Variants in GPD2 observed in about 807,000 individuals in gnomAD.
GPD2 encodes the protein glycerol-3-phosphate dehydrogenase 2, also known as glycerol-3-phosphate dehydrogenase, mitochondrial.
GPD2 carries 54 observed loss-of-function variants against 82.4 expected under a neutral mutation model. That is an observed-to-expected ratio of 0.66 (90% CI 0.53 to 0.82). The LOEUF (loss-of-function observed/expected upper bound fraction) is 0.82, where lower values mean the gene tolerates loss of function less well. GPD2 is among the 40% of genes least tolerant of loss of function. The pLI is 0.00. For missense variants in GPD2, 748 were observed against 896.2 expected, an observed-to-expected ratio of 0.83 and a Z score of 2.11; for synonymous variants, 288 against 306.1, an observed-to-expected ratio of 0.94 and a Z score of 0.62.
At chr2:156,410,257 T>C in the GPD2 span, among the ~76,000 whole-genome samples, 3 of 152,336 alleles carry the variant, frequency 2.0e-5, no homozygotes, top group East Asian at 3.9e-4. Flanking sequence ...CTGAATGAGT[T>C]TCTAGAATAA....
chr2:156,520,689 A>T (rs1382238490), intron 6 of GPD2, among the ~76,000 whole-genome samples: 1 of 151,922 alleles, frequency 6.6e-6, no homozygotes, highest in African/African-American at 2.4e-5. Flanking sequence ...GGCTCAAGCC[A>T]TTATCCCACC....
At chr2:156,475,134 T>C (rs904554858) in intron 1 of GPD2, among the ~76,000 whole-genome samples, 4 of 151,594 alleles carry the variant, frequency 2.6e-5, no homozygotes, top group African/African-American at 9.7e-5. Context: ...AAGAAAAAAA[T>C]ATAAATACAG....
chr2:156,403,416 T>A, the GPD2 span, among the ~76,000 whole-genome samples: 3 of 152,072 alleles, frequency 2.0e-5, no homozygotes. Flanking sequence ...TGTATGAGGG[T>A]GTAATGCTTG....
intron 3 of GPD2, among the ~76,000 whole-genome samples, chr2:156,496,684 T>A (rs1024982802): frequency 1.3e-5 from 2 of 151,924 alleles, no homozygotes; most frequent in African/African-American, 4.8e-5. Flanking sequence ...TTTTATGAGT[T>A]TATATTTTAT....
intron 2 of GPD2, among the ~76,000 whole-genome samples, chr2:156,483,987 CTTTTTTTTTTTTTTTTTTTTT>C (rs10610989): frequency 1.1e-5 from 1 of 92,294 alleles, no homozygotes; most frequent in African/African-American, 3.9e-5. Flanking sequence ...TGCTTGCTTG[CTTTTTTTTTTTTTTTTTTTTT>C]TTTACCAGAT....
rs536948598 is a variant in GPD2 at position 156,501,451 on chromosome 2, C to T, written c.274+5236C>T. ...CTGTGACCTTCGACAAGTGGCTTAACCTTACAGAGAGCCTTAAGTTTCTCA... is the reference window on the plus strand; with the variant it reads ...CTGTGACCTTCGACAAGTGGCTTAATCTTACAGAGAGCCTTAAGTTTCTCA... On this transcript the variant is annotated intron_variant, in intron 3 of 16. Coordinates refer to ENST00000438166, the MANE Select transcript of GPD2 (RefSeq NM_000408.5). Among the ~76,000 whole-genome samples the T allele has an allele frequency of 2.0e-5, 3 of 152,160 alleles. No individual in the cohort carries two copies. In the South Asian group the frequency reaches 6.2e-4, roughly 32 times the overall value.
rs369946106 is a variant in GPD2 at position 156,579,799 on chromosome 2, G to A, written c.2058+11G>A. On this transcript the variant is annotated intron_variant, in intron 16 of 16. Transcript: ENST00000438166. ...AATGAATTTTTGCAGGTGAGTTGTGGTGAAAGGAAACAAGGATATTTGCTT... is the reference window on the plus strand; with the variant it reads ...AATGAATTTTTGCAGGTGAGTTGTGATGAAAGGAAACAAGGATATTTGCTT... The A allele has an allele frequency of 5.9e-4, 740 of 1,260,570 alleles. 1 individual carries two copies. Among genetic ancestry groups the A allele is most frequent in the Non-Finnish European group, 8.1e-4 (695 of 857,024 alleles). 78.1% of individuals were successfully genotyped at this position (1,260,570 alleles called of 1,614,324 possible).
chr2:156,489,922 C>CCTTTCTTCCCTT (rs1324136482), intron 2 of GPD2, among the ~76,000 whole-genome samples: 11 of 149,722 alleles, frequency 7.3e-5, no homozygotes, highest in African/African-American at 2.7e-4. Context: ...TCCTTCTCTC[C>CCTTTCTTCCCTT]CCTCCCCTCC....
chr2:156,549,467 G>T, intron 6 of GPD2, 141 bp from the exon 7 acceptor site: 1 of 775,902 alleles, frequency 1.3e-6, no homozygotes, highest in Non-Finnish European at 2.3e-6. Flanking sequence ...TTTAAATTGT[G>T]CCCTGTCAAG....
intron 2 of GPD2, among the ~76,000 whole-genome samples, chr2:156,478,474 G>C (rs1683597583): frequency 6.6e-6 from 1 of 151,982 alleles, no homozygotes; most frequent in Non-Finnish European, 1.5e-5. Context: ...GGGGGTAGCA[G>C]GTGCGATGTA....
the GPD2 span, among the ~76,000 whole-genome samples, chr2:156,406,252 C>T: frequency 3.3e-5 from 5 of 152,116 alleles, no homozygotes; most frequent in African/African-American, 1.2e-4. Context: ...AAAATCAAGG[C>T]ATGGAAGTGA....
At chr2:156,554,210 A>G (rs1686875971) in intron 8 of GPD2, among the ~76,000 whole-genome samples, 1 of 152,132 alleles carries the variant, frequency 6.6e-6, no homozygotes, top group Admixed American at 6.5e-5. Context: ...GAGATCCCAA[A>G]CTGAAATGAC....
the GPD2 span, among the ~76,000 whole-genome samples, chr2:156,423,940 A>C: frequency 6.6e-6 from 1 of 152,236 alleles, no homozygotes; most frequent in African/African-American, 2.4e-5. Context: ...AGTGAAGCCC[A>C]AATAATGCTT....
intron 1 of GPD2, among the ~76,000 whole-genome samples, chr2:156,445,725 A>G (rs916235845): frequency 2.6e-5 from 4 of 152,204 alleles, no homozygotes; most frequent in African/African-American, 9.7e-5. Context: ...AGCCTTAGTC[A>G]TGAGAGAGTT....
the GPD2 span, among the ~76,000 whole-genome samples, chr2:156,427,904 GTGTCT>G: frequency 6.6e-6 from 1 of 152,124 alleles, no homozygotes; most frequent in Admixed American, 6.5e-5. Flanking sequence ...TTCTTGGCTT[GTGTCT>G]GCATTACTCC....
chr2:156,552,963 C>T (rs1284943824), intron 8 of GPD2, among the ~76,000 whole-genome samples: 2 of 147,792 alleles, frequency 1.4e-5, no homozygotes, highest in African/African-American at 2.5e-5. Flanking sequence ...GCAGTGGTGC[C>T]ATCTTGGCCC....
At chr2:156,545,133 CTCAT>C (rs1686481572) in intron 6 of GPD2, among the ~76,000 whole-genome samples, 1 of 152,240 alleles carries the variant, frequency 6.6e-6, no homozygotes, top group Admixed American at 6.5e-5. Flanking sequence ...CCTACACACA[CTCAT>C]TCACACACAC....
intron 3 of GPD2, among the ~76,000 whole-genome samples, chr2:156,507,422 A>G (rs1684827460): frequency 6.6e-6 from 1 of 151,948 alleles, no homozygotes; most frequent in Admixed American, 6.6e-5. Flanking sequence ...TTTGGGCTCA[A>G]GCCGATTCTC....
chr2:156,523,568 A>G (rs983223257), intron 6 of GPD2, among the ~76,000 whole-genome samples: 7 of 152,132 alleles, frequency 4.6e-5, no homozygotes, highest in Non-Finnish European at 1.0e-4. Context: ...ACTCCCCACT[A>G]TAACAAATGT....
Sources: allele counts gnomAD v4.1 joint callset (sites outside exome capture counted in the v4.1 genomes callset), GRCh38; gene constraint gnomAD v4.1.1; transcripts MANE v1.5; gene names NCBI Gene and HGNC (gene_info 2026-07-23, HGNC 2026-07-21).